AFF3: variants seen among roughly 807,000 people sequenced by gnomAD.
AFF3 encodes ALF transcription elongation factor 3.
A neutral mutation model predicts 129.7 loss-of-function variants in AFF3; 32 were observed. The observed-to-expected ratio is 0.25, with a 90% CI of 0.19 to 0.33. The LOEUF is 0.33. Among genes scored for constraint, AFF3 ranks in the 10% least tolerant of loss-of-function variants. The pLI is 1.00. For missense variants in AFF3, 1,373 were observed against 1,592.0 expected (o/e 0.86, Z 2.34); for synonymous variants, 644 against 635.4 (o/e 1.01, Z -0.20).
At chr2:99,938,001 G>C (rs1674683663) in intron 7 of AFF3, among the ~76,000 whole-genome samples, 1 of 152,100 alleles carries the variant, frequency 6.6e-6, no homozygotes, top group Admixed American at 6.5e-5. Context: ...GATGAATGTG[G>C]ATCCTGGCTC....
At chr2:99,763,777 T>C (rs1281648070) in intron 8 of AFF3, among the ~76,000 whole-genome samples, 2 of 152,176 alleles carry the variant, frequency 1.3e-5, no homozygotes, top group Non-Finnish European at 2.9e-5. Context: ...ACAAAAATCG[T>C]AGCAAAATCT....
chr2:99,987,231 AAGAC>A lies in AFF3; in HGVS notation c.873+19397_873+19400del, dbSNP rs564502738. Among the ~76,000 whole-genome samples the A allele has an allele frequency of 8.9e-4, 135 of 152,360 alleles. 2 individuals carry two copies. The highest frequency in any genetic ancestry group is 6.8e-3 in the Middle Eastern group (2 of 294). On this transcript the variant is annotated intron_variant, in intron 7 of 24. Coordinates refer to ENST00000672756, the MANE Select transcript of AFF3 (RefSeq NM_001386135.1). ...TTAGTGTTTAAACCATTAAACCTAA[AAGAC>A]AGGGGTACGGAGAACTTTATCCACA...
At chr2:99,890,738 C>T (rs1693487538) in intron 7 of AFF3, among the ~76,000 whole-genome samples, 1 of 152,120 alleles carries the variant, frequency 6.6e-6, no homozygotes, top group African/African-American at 2.4e-5. Context: ...TGTCTGGGCA[C>T]AGTGACCTCT....
chr2:99,681,311 A>G (rs934676931), intron 11 of AFF3, among the ~76,000 whole-genome samples: 5 of 152,214 alleles, frequency 3.3e-5, no homozygotes, highest in African/African-American at 1.2e-4. Flanking sequence ...GCCCATTGTA[A>G]ACTGTAAAGC....
At chr2:99,762,125 C>CT (rs113479774) in intron 8 of AFF3, among the ~76,000 whole-genome samples, 3,814 of 138,124 alleles carry the variant, frequency 0.028, 71 homozygotes, top group Non-Finnish European at 0.036. Context: ...ATCAATGCCA[C>CT]TTTTTTTTTT....
At chr2:99,836,757 T>G (rs971537352) in intron 8 of AFF3, among the ~76,000 whole-genome samples, 5 of 152,194 alleles carry the variant, frequency 3.3e-5, no homozygotes, top group Non-Finnish European at 7.4e-5. Context: ...TAATTTGTCT[T>G]GGTGTTTTGC....
intron 4 of AFF3, among the ~76,000 whole-genome samples, chr2:100,055,683 C>A (rs1573278981): frequency 6.6e-6 from 1 of 152,252 alleles, no homozygotes. Context: ...ATATTATAGG[C>A]TTTGCGGGCC....
At chr2:100,024,521 T>C (rs186015748) in intron 4 of AFF3, among the ~76,000 whole-genome samples, 40 of 151,582 alleles carry the variant, frequency 2.6e-4, no homozygotes, top group Admixed American at 4.6e-4. Context: ...GGCAGGAGAA[T>C]TGCCTGAACC....
At chr2:99,753,391 C>T (rs1681831128) in intron 8 of AFF3, among the ~76,000 whole-genome samples, 1 of 152,146 alleles carries the variant, frequency 6.6e-6, no homozygotes, top group Non-Finnish European at 1.5e-5. Flanking sequence ...TAAGCTACTG[C>T]GCCTGGCCGA....
chr2:99,828,881 ACTTTTAGTAGAAT>A (rs763496306), intron 8 of AFF3, among the ~76,000 whole-genome samples: 7 of 152,190 alleles, frequency 4.6e-5, no homozygotes, highest in Middle Eastern at 3.2e-3. Flanking sequence ...TTCCAAAAAT[ACTTTTAGTAGAAT>A]CTTATTTGCC....
At chr2:99,688,064 G>C (rs1209058237) in intron 11 of AFF3, among the ~76,000 whole-genome samples, 1 of 152,132 alleles carries the variant, frequency 6.6e-6, no homozygotes, top group Non-Finnish European at 1.5e-5. Flanking sequence ...GGATGGTCTT[G>C]ATCTCCTGAC....
intron 7 of AFF3, among the ~76,000 whole-genome samples, chr2:99,951,214 T>C (rs929411137): frequency 2.0e-5 from 3 of 152,258 alleles, no homozygotes; most frequent in Non-Finnish European, 4.4e-5. Flanking sequence ...AAAATATCTT[T>C]CTGATTTTGT....
chr2:99,769,750 G>A (rs1478755328), intron 8 of AFF3, among the ~76,000 whole-genome samples: 2 of 152,218 alleles, frequency 1.3e-5, no homozygotes, highest in Non-Finnish European at 2.9e-5. Flanking sequence ...ACTCACAGAA[G>A]TACTGCCTTG....
chr2:100,128,179 C>A (rs1377855618), intron 2 of AFF3, among the ~76,000 whole-genome samples: 1 of 152,194 alleles, frequency 6.6e-6, no homozygotes, highest in East Asian at 1.9e-4. Flanking sequence ...AAATGGGCAA[C>A]CAGCAGCCCT....
intron 4 of AFF3, among the ~76,000 whole-genome samples, chr2:100,094,846 T>G (rs1690160095): frequency 7.5e-6 from 1 of 133,848 alleles, no homozygotes; most frequent in Non-Finnish European, 1.7e-5. Context: ...GGCCTCCAAC[T>G]GTAGTTTCTA....
intron 7 of AFF3, among the ~76,000 whole-genome samples, chr2:99,839,908 A>C (rs911152875): frequency 6.6e-6 from 1 of 152,132 alleles, no homozygotes; most frequent in Non-Finnish European, 1.5e-5. Context: ...CCAGATCTGC[A>C]TTTTCTTAAT....
chr2:99,736,979 T>C (rs1312838726), intron 10 of AFF3, among the ~76,000 whole-genome samples: 1 of 152,204 alleles, frequency 6.6e-6, no homozygotes, highest in Non-Finnish European at 1.5e-5. Flanking sequence ...TCTTCTTCAA[T>C]TCTTTTGGAT....
chr2:100,037,723 A>C (rs1030071916), intron 4 of AFF3, among the ~76,000 whole-genome samples: 5 of 128,640 alleles, frequency 3.9e-5, no homozygotes, highest in African/African-American at 1.5e-4. Context: ...TATATTATAT[A>C]TATTTATATT....
chr2:100,104,784 CGGCCCGCTGCTGCA>C, intron 3 of AFF3: 8 of 851,184 alleles, frequency 9.4e-6, no homozygotes, highest in Non-Finnish European at 9.6e-6. Context: ...CGCGGCGGCC[CGGCCCGCTGCTGCA>C]GCCGCCGCCG....
Sources: allele counts gnomAD v4.1 joint callset (sites outside exome capture counted in the v4.1 genomes callset), GRCh38; gene constraint gnomAD v4.1.1; transcripts MANE v1.5; gene names NCBI Gene and HGNC (gene_info 2026-07-23, HGNC 2026-07-21).